Variants in RNF220 observed in about 807,000 individuals in gnomAD.
RNF220 encodes the protein E3 ubiquitin-protein ligase RNF220.
In RNF220, 7 loss-of-function variants were observed where a neutral mutation model predicts 67.1. The ratio of observed to expected loss-of-function variants is 0.10; its 90% CI spans 0.06 to 0.20. The LOEUF (loss-of-function observed/expected upper bound fraction) is 0.20, where lower values mean the gene tolerates loss of function less well. Among genes scored for constraint, RNF220 ranks in the 10% least tolerant of loss-of-function variants. The probability of loss-of-function intolerance (pLI) is 1.00; values close to 1 mark genes in which losing one functional copy is unlikely to be tolerated. For missense variants in RNF220, 565 were observed against 740.3 expected, an observed-to-expected ratio of 0.76 and a Z score of 2.75; for synonymous variants, 270 against 283.2, an observed-to-expected ratio of 0.95 and a Z score of 0.47.
chr1:44,519,313 CATA>C (rs1300293490), intron 2 of RNF220, among the ~76,000 whole-genome samples: 1 of 152,178 alleles, frequency 6.6e-6, no homozygotes, highest in East Asian at 1.9e-4. Flanking sequence ...AGGCACTGAA[CATA>C]TGATAATAAA....
intron 2 of RNF220, among the ~76,000 whole-genome samples, chr1:44,474,596 C>T (rs1401576595): frequency 1.3e-5 from 2 of 151,414 alleles, no homozygotes; most frequent in Non-Finnish European, 2.9e-5. Flanking sequence ...GTAGTCCCAG[C>T]TACTTGGGAA....
chr1:44,412,492 A>G lies in RNF220; in HGVS notation c.395A>G (p.Tyr132Cys). 1 of 1,612,368 alleles carries G rather than the reference A, an allele frequency of 6.2e-7. No homozygotes were observed. Among genetic ancestry groups the G allele is most frequent in the Non-Finnish European group, 8.5e-7 (1 of 1,178,584 alleles). ...GCCTCCACCGAGGACCGGGAGAGCT[A>G]TCAGTCAGCCTTTACGCCGGCCAAG... ...PFASTEDRES[Y>C]QSAFTPAKRL... Residue 132 changes from tyrosine to cysteine, a missense_variant, in exon 2 of 15, where the codon TAT (tyrosine) becomes TGT (cysteine). Physicochemically the swap from Tyr to Cys is radical, Grantham distance 194 (BLOSUM62 -2). Transcript: ENST00000361799. The surrounding 1 kb of genome is among the most constrained non-coding windows in gnomAD (Gnocchi z 5.3).
rs948167892 is a variant in RNF220, at chr1:44,631,835, G to T, written c.907-508G>T. On this transcript the variant is annotated intron_variant, in intron 5 of 14. Transcript: ENST00000361799. Reference sequence around the variant, plus strand: ...TGGGTGGGTAGGCTTCACGGGCGGTGGGAGGGACCCCGGGGAGGCTTCTGC... The same window carrying T: ...TGGGTGGGTAGGCTTCACGGGCGGTTGGAGGGACCCCGGGGAGGCTTCTGC... 5.7e-5 allele frequency: 52 copies of T among 910,268 alleles called. No homozygotes were observed. In the African/African-American group the frequency reaches 8.6e-4, roughly 15 times the overall value. The allele number at this position is 910,268 out of a possible 1,614,324, so 56.4% of individuals were successfully genotyped here. A position where few individuals can be genotyped will look rare whatever the true frequency, so the allele number is the denominator to read the frequency against.
chr1:44,614,260 G>C lies in RNF220; in HGVS notation c.721G>C (p.Glu241Gln). The C allele has an allele frequency of 6.2e-7, 1 of 1,614,120 alleles. No individual in the cohort carries two copies. The highest frequency in any genetic ancestry group is 1.1e-5 in the South Asian group (1 of 91,058). The change falls in exon 3 of 15, where the codon GAG becomes CAG. Residue 241 changes from glutamate to glutamine, a missense_variant. By Grantham distance (29) the Glu-to-Gln change is conservative. Transcript: ENST00000361799. ...LRPSELQEHM[E>Q]QELEQLAQLP... Reference sequence around the variant, plus strand: ...GCCCAGTGAGCTGCAGGAGCATATGGAGCAGGAACTGGAGCAGCTAGCCCA... The same window carrying C: ...GCCCAGTGAGCTGCAGGAGCATATGCAGCAGGAACTGGAGCAGCTAGCCCA...
Position 44,412,690 on chromosome 1 carries a change from C to A in RNF220, c.593C>A (p.Ala198Asp), listed in dbSNP as rs1648089024. Reference protein sequence around the residue: ...AVSGLISDREASSSPEDRNDR... With the variant: ...AVSGLISDREDSSSPEDRNDR... ...TCTGGCCTCATTTCTGATCGGGAAG[C>A]CTCATCTAGCCCAGAGGATCGGAAT... is the stretch of plus-strand genomic sequence containing the variant. Residue 198 changes from alanine to aspartate, a missense_variant, in exon 2 of 15, where the codon GCC becomes GAC. Transcript: ENST00000361799. This position sits in a 1 kb window ranked among gnomAD's most constrained non-coding sequence, Gnocchi z 5.3. The A allele has an allele frequency of 5.0e-6, 8 of 1,614,130 alleles. No homozygotes were observed. Among genetic ancestry groups the A allele is most frequent in the Non-Finnish European group, 6.8e-6 (8 of 1,179,996 alleles).
chr1:44,527,795 A>G (rs549293792), intron 2 of RNF220, among the ~76,000 whole-genome samples: 62 of 151,824 alleles, frequency 4.1e-4, no homozygotes, highest in African/African-American at 1.5e-3. Flanking sequence ...GCATGGTGGC[A>G]GGCACCTGTA....
chr1:44,420,628 A>G (rs1649104328), intron 2 of RNF220, among the ~76,000 whole-genome samples: 1 of 152,174 alleles, frequency 6.6e-6, no homozygotes, highest in African/African-American at 2.4e-5. Context: ...TTCAGATCAA[A>G]GGTGGGGAGG....
At chr1:44,423,855 G>A (rs1006884756) in intron 2 of RNF220, 1 of 985,300 alleles carries the variant, frequency 1.0e-6, no homozygotes, top group African/African-American at 1.7e-5. Context: ...GGTTAGGCAT[G>A]TAGTGCCAAG....
Position 44,650,181 on chromosome 1 carries a change from T to C in RNF220, c.1629+224T>C, listed in dbSNP as rs1201725031. ...CTCCCCCTCCATGAGTTCACTGCATTCTCCCTTCCCCGCCCCGGTCCCCGA... is the reference window on the plus strand; with the variant it reads ...CTCCCCCTCCATGAGTTCACTGCATCCTCCCTTCCCCGCCCCGGTCCCCGA... On this transcript the variant is annotated intron_variant, in intron 14 of 14. Coordinates refer to ENST00000361799, the MANE Select transcript of RNF220 (RefSeq NM_018150.4). The surrounding 1 kb of genome is among the most constrained non-coding windows in gnomAD (Gnocchi z 4.3). 12 of 595,856 alleles carry C rather than the reference T, an allele frequency of 2.0e-5. No homozygotes were observed. In the East Asian group the frequency reaches 3.1e-4, roughly 15 times the overall value. 36.9% of individuals were successfully genotyped at this position (595,856 alleles called of 1,614,324 possible). A position where few individuals can be genotyped will look rare whatever the true frequency, so the allele number is the denominator to read the frequency against.
intron 9 of RNF220, 100 bp downstream of exon 9, chr1:44,644,894 C>A (rs1277306592): frequency 4.6e-6 from 7 of 1,533,856 alleles, no homozygotes; most frequent in Non-Finnish European, 6.3e-6. Context: ...ACCCCCCGGG[C>A]CAGAGTCTCA....
intron 2 of RNF220, among the ~76,000 whole-genome samples, chr1:44,501,592 A>ACT (rs1657885695): frequency 2.1e-5 from 3 of 144,830 alleles, no homozygotes; most frequent in African/African-American, 8.7e-5. Flanking sequence ...GCGGCCAAGC[A>ACT]GGACAATTTC....
chr1:44,475,558 G>A (rs565336392), intron 2 of RNF220, among the ~76,000 whole-genome samples: 4 of 122,472 alleles, frequency 3.3e-5, no homozygotes, highest in Non-Finnish European at 6.4e-5. Context: ...AACAGTGTGA[G>A]ACTCGGTCTC....
intron 2 of RNF220, among the ~76,000 whole-genome samples, chr1:44,425,276 A>T (rs1282989107): frequency 6.6e-6 from 1 of 152,004 alleles, no homozygotes; most frequent in Non-Finnish European, 1.5e-5. Flanking sequence ...CTTTAAAAAC[A>T]CTCATCACAT....
intron 2 of RNF220, among the ~76,000 whole-genome samples, chr1:44,535,144 T>C (rs1661112337): frequency 6.8e-6 from 1 of 146,232 alleles, no homozygotes; most frequent in Non-Finnish European, 1.5e-5. Context: ...TCTTTTTTTT[T>C]TTTTTTTTTT....
At chr1:44,484,204 C>T (rs1055676412) in intron 2 of RNF220, among the ~76,000 whole-genome samples, 1 of 152,028 alleles carries the variant, frequency 6.6e-6, no homozygotes, top group Admixed American at 6.5e-5. Flanking sequence ...TTGAGCCGTC[C>T]CCTAGGGTTC....
At chr1:44,567,799 T>C (rs1664134711) in intron 2 of RNF220, among the ~76,000 whole-genome samples, 1 of 152,246 alleles carries the variant, frequency 6.6e-6, no homozygotes, top group South Asian at 2.1e-4. Context: ...GAAAGACTTC[T>C]GAACAGACAT....
intron 2 of RNF220, among the ~76,000 whole-genome samples, chr1:44,493,249 C>T (rs868742999): frequency 1.3e-5 from 2 of 152,246 alleles, no homozygotes; most frequent in African/African-American, 4.8e-5. Context: ...GGAGCAGTGG[C>T]TTACGCCTGT....
intron 2 of RNF220, among the ~76,000 whole-genome samples, chr1:44,562,357 C>G (rs879411542): frequency 6.6e-6 from 1 of 152,214 alleles, no homozygotes; most frequent in Non-Finnish European, 1.5e-5. Context: ...GCTGCTTAAA[C>G]CCATGTGTCA....
chr1:44,448,673 T>A (rs1652349531), intron 2 of RNF220, among the ~76,000 whole-genome samples: 1 of 152,228 alleles, frequency 6.6e-6, no homozygotes, highest in Non-Finnish European at 1.5e-5. Flanking sequence ...AACAAACATG[T>A]CTTGAGACCT....
Sources: gnomAD v4.1 joint callset for allele counts (sites outside exome capture counted in the v4.1 genomes callset) on GRCh38, gnomAD v4.1.1 for gene constraint, Gnocchi (gnomAD v3.1) non-coding constraint, MANE v1.5 for transcripts, NCBI Gene and HGNC (gene_info 2026-07-23, HGNC 2026-07-21) for gene names.